The following FOXN2 variants were observed in gnomAD, a reference collection of about 807,000 sequenced individuals.
The protein encoded by FOXN2 is forkhead box protein N2.
FOXN2 carries 19 observed loss-of-function variants against 41.2 expected under a neutral mutation model. That is an observed-to-expected ratio of 0.46 (90% confidence interval 0.32 to 0.68). The LOEUF is 0.68. FOXN2 is among the 30% of genes least tolerant of loss of function. FOXN2 has a pLI of 0.03. For synonymous variants in FOXN2, 195 were observed against 176.8 expected (o/e 1.10, Z -0.82); for missense variants, 587 against 509.4 (o/e 1.15, Z -1.47).
intron 2 of FOXN2, among the ~76,000 whole-genome samples, chr2:48,337,894 T>C (rs922543384): frequency 6.6e-6 from 1 of 152,188 alleles, no homozygotes; most frequent in Non-Finnish European, 1.5e-5. Context: ...GAGATTGTAA[T>C]ATATCTGCCT....
At position 48,376,999 on chromosome 2, in the gene FOXN2, T is replaced by G. The variant is rs1418694157; in HGVS notation, c.*1556T>G. 1 of 152,152 alleles carries G rather than the reference T, an allele frequency of 6.6e-6. No homozygotes were observed. Among genetic ancestry groups the G allele is most frequent in the Non-Finnish European group, 1.5e-5 (1 of 67,918 alleles). 9.4% of individuals were successfully genotyped at this position (152,152 alleles called of 1,614,324 possible). A position where few individuals can be genotyped will look rare whatever the true frequency, so the allele number is the denominator to read the frequency against. On this transcript the variant is annotated 3_prime_UTR_variant, in exon 7 of 7. Transcript: ENST00000340553. Reference sequence around the variant, plus strand: ...AAATTTTAACTTTTAATTTTTATTTTGGCAAAACTGTCAAATGAGAAAAAT... The same window carrying G: ...AAATTTTAACTTTTAATTTTTATTTGGGCAAAACTGTCAAATGAGAAAAAT...
intron 2 of FOXN2, among the ~76,000 whole-genome samples, chr2:48,338,798 T>C (rs554901668): frequency 6.6e-6 from 1 of 152,248 alleles, no homozygotes; most frequent in East Asian, 1.9e-4. Context: ...GAGTTGAAGA[T>C]TTAAATGTAA....
chr2:48,330,757 T>C (rs1669971723), intron 2 of FOXN2, among the ~76,000 whole-genome samples: 2 of 123,158 alleles, frequency 1.6e-5, no homozygotes, highest in Admixed American at 1.6e-4. Flanking sequence ...GATAGTAAAC[T>C]TAAATTAAGT....
intron 2 of FOXN2, among the ~76,000 whole-genome samples, chr2:48,338,504 C>T (rs1670517795): frequency 6.6e-6 from 1 of 152,048 alleles, no homozygotes; most frequent in Admixed American, 6.6e-5. Context: ...TGGGTTCACG[C>T]CATTCTCCTG....
chr2:48,359,629 T>A (rs1330262455), intron 4 of FOXN2, among the ~76,000 whole-genome samples: 1 of 151,968 alleles, frequency 6.6e-6, no homozygotes, highest in Non-Finnish European at 1.5e-5. Context: ...TTTCTTTTTT[T>A]AAGAAGTATT....
At chr2:48,359,848 A>G (rs1672058528) in intron 4 of FOXN2, among the ~76,000 whole-genome samples, 1 of 152,122 alleles carries the variant, frequency 6.6e-6, no homozygotes, top group African/African-American at 2.4e-5. Flanking sequence ...TAACCTAAAA[A>G]TGAAGGAAAT....
intron 2 of FOXN2, among the ~76,000 whole-genome samples, chr2:48,339,854 T>G (rs1349273112): frequency 1.3e-5 from 2 of 152,222 alleles, no homozygotes; most frequent in Non-Finnish European, 2.9e-5. Flanking sequence ...GTACTTGTAA[T>G]AGCCCCAAAC....
At chr2:48,368,575 C>T (rs905618140) in intron 5 of FOXN2, among the ~76,000 whole-genome samples, 2 of 152,132 alleles carry the variant, frequency 1.3e-5, no homozygotes, top group African/African-American at 4.8e-5. Flanking sequence ...ACCTGTGGTT[C>T]CAGCTACACG....
At chr2:48,332,991 T>G (rs1392067528) in intron 2 of FOXN2, among the ~76,000 whole-genome samples, 1 of 141,240 alleles carries the variant, frequency 7.1e-6, no homozygotes, top group Non-Finnish European at 1.6e-5. Context: ...AGATTTTCCT[T>G]TTTCAATTTT....
intron 1 of FOXN2, among the ~76,000 whole-genome samples, chr2:48,318,157 A>G (rs777392804): frequency 6.6e-6 from 1 of 152,184 alleles, no homozygotes; most frequent in Non-Finnish European, 1.5e-5. Context: ...TCTCCTGTTC[A>G]ATTTCCTACA....
chr2:48,341,049 T>A (rs1372377088), intron 2 of FOXN2, among the ~76,000 whole-genome samples: 1 of 152,220 alleles, frequency 6.6e-6, no homozygotes, highest in African/African-American at 2.4e-5. Context: ...ATACATTTTT[T>A]AAATCCCACA....
chr2:48,358,371 ATTG>A, intron 3 of FOXN2, among the ~76,000 whole-genome samples: 1 of 152,226 alleles, frequency 6.6e-6, no homozygotes, highest in Non-Finnish European at 1.5e-5. Flanking sequence ...AGTGGCCTGC[ATTG>A]TTGTTTTACT....
chr2:48,368,396 T>C (rs1227388609), intron 5 of FOXN2, among the ~76,000 whole-genome samples: 1 of 152,198 alleles, frequency 6.6e-6, no homozygotes, highest in Non-Finnish European at 1.5e-5. Flanking sequence ...CAAAATTGGC[T>C]GAACGCGGTG....
intron 1 of FOXN2, among the ~76,000 whole-genome samples, chr2:48,325,275 C>T (rs1012997918): frequency 1.3e-5 from 2 of 152,120 alleles, no homozygotes; most frequent in Non-Finnish European, 2.9e-5. Context: ...CTAATAATGG[C>T]AACTACTTGA....
Position 48,375,114 on chromosome 2 carries a change from C to T in FOXN2, c.967C>T (p.Leu323=). ...RCASRSSVSS[L]SSVDEVYEFI... is the part of the protein sequence containing the mutation. ...TGCATCCAGGTCTAGCGTGTCTTCC[C>T]TGTCTTCTGTGGATGAGGTATATGA... is the stretch of plus-strand genomic sequence containing the variant. Residue 323 remains leucine (L), a synonymous_variant, in exon 7 of 7, where the codon CTG becomes TTG. Transcript: ENST00000340553. 6.2e-7 allele frequency: 1 copy of T among 1,614,060 alleles called. No individual in the cohort carries two copies. The highest frequency in any genetic ancestry group is 8.5e-7 in the Non-Finnish European group (1 of 1,179,966).
intron 3 of FOXN2, among the ~76,000 whole-genome samples, chr2:48,351,748 C>A (rs1242727654): frequency 6.6e-6 from 1 of 152,122 alleles, no homozygotes; most frequent in African/African-American, 2.4e-5. Context: ...CCACTCTCCT[C>A]CTGCTCTGTG....
chr2:48,356,613 A>G (rs1046519351), intron 3 of FOXN2, among the ~76,000 whole-genome samples: 2 of 152,230 alleles, frequency 1.3e-5, no homozygotes, highest in Admixed American at 6.5e-5. Flanking sequence ...TCTAAAAGCC[A>G]CTGAAAATCA....
In FOXN2 at chr2:48,375,324, A is replaced by G; in HGVS notation, c.1177A>G (p.Ile393Val). ...KKMRKQTCQE[I>V]DEELKEAAGS... is the part of the protein sequence containing the mutation. The stretch of plus-strand genomic sequence containing the variant: ...GATGCGAAAACAGACATGTCAAGAA[A>G]TTGATGAGGAGCTCAAAGAGGCAGC... Residue 393 changes from isoleucine (I) to valine (V), a missense_variant, in exon 7 of 7, where the codon ATT becomes GTT. Physicochemically the swap from Ile to Val is conservative, Grantham distance 29. Transcript: ENST00000340553. 6.2e-7 allele frequency: 1 copy of G among 1,613,862 alleles called. No individual in the cohort carries two copies. The highest frequency in any genetic ancestry group is 1.1e-5 in the South Asian group (1 of 91,064).
intron 6 of FOXN2, 98 bp downstream of exon 6, chr2:48,373,458 C>A: frequency 2.9e-6 from 2 of 696,080 alleles, no homozygotes; most frequent in Non-Finnish European, 4.9e-6. Context: ...TACTTCTTTC[C>A]AACCAAATTG....
Sources: allele counts gnomAD v4.1 joint callset (sites outside exome capture counted in the v4.1 genomes callset), GRCh38; gene constraint gnomAD v4.1.1; transcripts MANE v1.5; gene names NCBI Gene and HGNC (gene_info 2026-07-23, HGNC 2026-07-21).